The following BMPR1B variants were observed in gnomAD, a reference collection of about 807,000 sequenced individuals.
BMPR1B encodes bone morphogenetic protein receptor type-1B.
A neutral mutation model predicts 59.1 loss-of-function variants in BMPR1B; 12 were observed. The ratio of observed to expected loss-of-function variants is 0.20; its 90% CI spans 0.13 to 0.33. BMPR1B has a LOEUF of 0.33. Among genes scored for constraint, BMPR1B ranks in the 10% least tolerant of loss-of-function variants. The pLI is 1.00. For synonymous variants in BMPR1B, 237 were observed against 207.3 expected (o/e 1.14, Z -1.23); for missense variants, 550 against 610.9 (o/e 0.90, Z 1.05).
intron 3 of BMPR1B, among the ~76,000 whole-genome samples, chr4:95,096,804 A>G (rs1205430043): frequency 7.1e-6 from 1 of 141,600 alleles, no homozygotes; most frequent in Non-Finnish European, 1.5e-5. Context: ...TATATATAGA[A>G]TATATAAATA....
At chr4:94,986,048 G>A (rs1414694608) in intron 2 of BMPR1B, among the ~76,000 whole-genome samples, 1 of 151,870 alleles carries the variant, frequency 6.6e-6, no homozygotes, top group African/African-American at 2.4e-5. Context: ...TTATAAGGGG[G>A]CAGTTTGTAT....
chr4:94,997,820 T>A (rs1314130879), intron 3 of BMPR1B, among the ~76,000 whole-genome samples: 2 of 152,200 alleles, frequency 1.3e-5, no homozygotes, highest in Non-Finnish European at 2.9e-5. Context: ...TGATCAAGAT[T>A]GTAATTTCAG....
At chr4:94,831,232 G>GT (rs1553910332) in intron 1 of BMPR1B, among the ~76,000 whole-genome samples, 2 of 41,628 alleles carry the variant, frequency 4.8e-5, no homozygotes, top group Non-Finnish European at 9.3e-5. Context: ...AGTTTAAAAA[G>GT]TAAAAAAAAA....
chr4:94,846,331 T>C (rs1373097082), intron 1 of BMPR1B, among the ~76,000 whole-genome samples: 1 of 152,178 alleles, frequency 6.6e-6, no homozygotes, highest in Non-Finnish European at 1.5e-5. Context: ...GAGGGTCAAC[T>C]TGATTGGATT....
Position 95,114,736 on chromosome 4 carries a change from T to G in BMPR1B, c.160T>G (p.Phe54Val). ...GATCTTCAGCACAGACGGATATTGT[T>G]TCACGATGATAGAAGAGGATGACTC... ...NNICSTDGYC[F>V]TMIEEDDSGL... The change falls in exon 5 of 13, where the codon TTC (phenylalanine) becomes GTC (valine). Residue 54 changes from phenylalanine (F) to valine (V), a missense_variant. Physicochemically the swap from Phe to Val is conservative, Grantham distance 50 (BLOSUM62 -1). Transcript: ENST00000515059. The G allele has an allele frequency of 6.2e-7, 1 of 1,613,648 alleles. No homozygotes were observed. Among genetic ancestry groups the G allele is most frequent in the Non-Finnish European group, 8.5e-7 (1 of 1,179,748 alleles).
chr4:95,020,731 T>C (rs1723923369), intron 3 of BMPR1B, among the ~76,000 whole-genome samples: 1 of 152,188 alleles, frequency 6.6e-6, no homozygotes, highest in Non-Finnish European at 1.5e-5. Context: ...TTATTGTCTG[T>C]TGCCTAGGCT....
At chr4:94,838,227 G>A (rs1724901516) in intron 1 of BMPR1B, among the ~76,000 whole-genome samples, 1 of 77,280 alleles carries the variant, frequency 1.3e-5, no homozygotes, top group Non-Finnish European at 2.4e-5. Context: ...TCTCTTTTTT[G>A]GTTGTGTCTC....
chr4:94,970,314 C>CT (rs1285730876), intron 2 of BMPR1B, among the ~76,000 whole-genome samples: 1 of 142,240 alleles, frequency 7.0e-6, no homozygotes, highest in Non-Finnish European at 1.5e-5. Context: ...CTTTCTCTCT[C>CT]TCTTTCTCTC....
chr4:95,078,903 G>A (rs1240412354), intron 3 of BMPR1B, among the ~76,000 whole-genome samples: 1 of 152,072 alleles, frequency 6.6e-6, no homozygotes, highest in African/African-American at 2.4e-5. Flanking sequence ...GACCACAGGT[G>A]TACACCACCA....
At chr4:94,951,568 A>G (rs1289126849) in intron 2 of BMPR1B, among the ~76,000 whole-genome samples, 2 of 151,882 alleles carry the variant, frequency 1.3e-5, no homozygotes, top group Non-Finnish European at 2.9e-5. Context: ...TATGTGATGG[A>G]TTAAGTTTAT....
intron 1 of BMPR1B, among the ~76,000 whole-genome samples, chr4:94,823,371 C>T (rs138873039): frequency 6.6e-6 from 1 of 152,258 alleles, no homozygotes; most frequent in Non-Finnish European, 1.5e-5. Context: ...CCATGCTTCT[C>T]TCCTGGTGGG....
At chr4:94,795,552 C>G (rs1029000837) in intron 1 of BMPR1B, among the ~76,000 whole-genome samples, 6 of 152,048 alleles carry the variant, frequency 3.9e-5, no homozygotes, top group Non-Finnish European at 8.8e-5. Context: ...GCAACCTCTG[C>G]CTTCGGGTTC....
chr4:94,861,065 A>G (rs1453471330), intron 1 of BMPR1B, among the ~76,000 whole-genome samples: 3 of 151,492 alleles, frequency 2.0e-5, no homozygotes, highest in African/African-American at 7.3e-5. Flanking sequence ...TCCTTCATAT[A>G]TGTGTCTATC....
intron 4 of BMPR1B, among the ~76,000 whole-genome samples, chr4:95,105,038 G>A (rs1354324907): frequency 6.6e-6 from 1 of 152,088 alleles, no homozygotes; most frequent in Non-Finnish European, 1.5e-5. Context: ...TAGAGCTCAT[G>A]CGATTCCCCA....
chr4:94,976,508 C>T (rs1283382233), intron 2 of BMPR1B, among the ~76,000 whole-genome samples: 1 of 152,170 alleles, frequency 6.6e-6, no homozygotes, highest in Non-Finnish European at 1.5e-5. Flanking sequence ...ATGCAAAATA[C>T]ACTCATTTCT....
At chr4:95,066,216 G>T (rs1282059963) in intron 3 of BMPR1B, among the ~76,000 whole-genome samples, 3 of 152,192 alleles carry the variant, frequency 2.0e-5, no homozygotes, top group Non-Finnish European at 4.4e-5. Context: ...TTTTCTACTT[G>T]TTAATATAAC....
chr4:94,951,323 G>A lies in BMPR1B; in HGVS notation c.-112-44717G>A, dbSNP rs368542516. Among the ~76,000 whole-genome samples the A allele has an allele frequency of 1.8e-4, 27 of 152,296 alleles. No individual in the cohort carries two copies. In the South Asian group the frequency reaches 4.1e-3, roughly 23 times the overall value. ...TCCAATACTATGTTGAATAGGAATGGTGAGAGAGGGCATACTTGTCTTGTG... is the reference window on the plus strand; with the variant it reads ...TCCAATACTATGTTGAATAGGAATGATGAGAGAGGGCATACTTGTCTTGTG... On this transcript the variant is annotated intron_variant, in intron 2 of 12. Transcript: ENST00000515059.
At chr4:94,841,633 C>G (rs938488287) in intron 1 of BMPR1B, among the ~76,000 whole-genome samples, 1 of 152,150 alleles carries the variant, frequency 6.6e-6, no homozygotes, top group Non-Finnish European at 1.5e-5. Flanking sequence ...GCACACGGTG[C>G]GCGCACCCAC....
rs186126092 is a variant in BMPR1B, at chr4:94,943,404, G to A, written c.-112-52636G>A. 4.8e-4 allele frequency among the ~76,000 whole-genome samples: 73 copies of A among 152,260 alleles called. 1 individual carries two copies. In the East Asian group the frequency reaches 0.012, roughly 25 times the overall value. ...CTCCCAAAGGGCTGGGATTACAGGC[G>A]TGAGCCACCGTGTCTGCCTCCACTC... On this transcript the variant is annotated intron_variant, in intron 2 of 12. Coordinates refer to ENST00000515059, the MANE Select transcript of BMPR1B (RefSeq NM_001203.3).
Sources: gnomAD v4.1 joint callset for allele counts (sites outside exome capture counted in the v4.1 genomes callset) on GRCh38, gnomAD v4.1.1 for gene constraint, MANE v1.5 for transcripts, NCBI Gene and HGNC (gene_info 2026-07-23, HGNC 2026-07-21) for gene names.